The following OSBPL1A variants were observed in gnomAD, a reference collection of about 807,000 sequenced individuals.
OSBPL1A encodes the protein oxysterol-binding protein-related protein 1.
In OSBPL1A, 80 loss-of-function variants were observed where a neutral mutation model predicts 137.1. That is an observed-to-expected ratio of 0.58 (90% CI 0.49 to 0.70). OSBPL1A has a LOEUF of 0.70. OSBPL1A is among the 30% of genes least tolerant of loss of function. OSBPL1A has a pLI of 0.00. For synonymous variants in OSBPL1A, 365 were observed against 389.7 expected (o/e 0.94, Z 0.75); for missense variants, 970 against 1,129.4 (o/e 0.86, Z 2.02).
chr18:24,296,132 A>G (rs899521184), intron 14 of OSBPL1A, among the ~76,000 whole-genome samples: 2 of 152,204 alleles, frequency 1.3e-5, no homozygotes, highest in African/African-American at 4.8e-5. Flanking sequence ...CTTCCCATCC[A>G]TGAGCATGAG....
At position 24,292,843 on chromosome 18, in the gene OSBPL1A, C is replaced by T. The variant is rs147523171; in HGVS notation, c.1174+10794G>A. 3.6e-3 allele frequency among the ~76,000 whole-genome samples: 542 copies of T among 152,184 alleles called. 4 individuals are homozygous for T. The highest frequency in any genetic ancestry group is 0.033 in the East Asian group (169 of 5,168). On this transcript the variant is annotated intron_variant, in intron 14 of 27. Coordinates refer to ENST00000319481, the MANE Select transcript of OSBPL1A (RefSeq NM_080597.4). Reference sequence around the variant, plus strand: ...ACTGAGGTCTGGGCACAGTGGCTCACGCCTGTAATCCCAGCACTTTGGGAG... The same window carrying T: ...ACTGAGGTCTGGGCACAGTGGCTCATGCCTGTAATCCCAGCACTTTGGGAG...
At chr18:24,180,994 A>T in intron 19 of OSBPL1A, 151 bp downstream of exon 19, 1 of 910,216 alleles carries the variant, frequency 1.1e-6, no homozygotes, top group Non-Finnish European at 1.6e-6. Context: ...CACCCTAACC[A>T]GAGGACAGTC....
chr18:24,388,660 C>A (rs902824861), intron 1 of OSBPL1A, among the ~76,000 whole-genome samples: 15 of 151,748 alleles, frequency 9.9e-5, no homozygotes, highest in African/African-American at 3.1e-4. Flanking sequence ...ATTAGCCAGG[C>A]GTGGTGATGG....
chr18:24,275,597 C>T (rs559936617), intron 15 of OSBPL1A, among the ~76,000 whole-genome samples: 1 of 152,332 alleles, frequency 6.6e-6, no homozygotes, highest in South Asian at 2.1e-4. Flanking sequence ...TGTAAGTCCA[C>T]ATGAACACAT....
At chr18:24,165,215 T>C (rs2086119914) in intron 26 of OSBPL1A, 60 bp from the exon 27 acceptor site, 2 of 1,436,614 alleles carry the variant, frequency 1.4e-6, no homozygotes, top group South Asian at 2.3e-5. Flanking sequence ...CCAGGCACAG[T>C]ATTAAGCACA....
chr18:24,339,306 ATGGTCTACTTATAG>A (rs1286442565), intron 5 of OSBPL1A, among the ~76,000 whole-genome samples: 2 of 152,154 alleles, frequency 1.3e-5, no homozygotes, highest in Admixed American at 6.5e-5. Context: ...TTATGGTCTT[ATGGTCTACTTATAG>A]TGGGTTACTC....
chr18:24,272,858 G>A (rs1321121479), intron 15 of OSBPL1A, among the ~76,000 whole-genome samples: 1 of 152,172 alleles, frequency 6.6e-6, no homozygotes, highest in African/African-American at 2.4e-5. Flanking sequence ...GAATGTCAGT[G>A]AGGTTTCATG....
chr18:24,193,304 T>C (rs963523913), intron 18 of OSBPL1A, among the ~76,000 whole-genome samples: 2 of 152,054 alleles, frequency 1.3e-5, no homozygotes, highest in South Asian at 2.1e-4. Context: ...CTGGCCAACA[T>C]GGTGAAACCC....
intron 16 of OSBPL1A, among the ~76,000 whole-genome samples, chr18:24,232,142 T>G (rs1289823208): frequency 6.6e-6 from 1 of 152,224 alleles, no homozygotes; most frequent in Non-Finnish European, 1.5e-5. Flanking sequence ...TGCCAAATTT[T>G]TATTTAGCCT....
In OSBPL1A at chr18:24,334,322, T is replaced by A. The variant is rs1160858204; in HGVS notation, c.403A>T (p.Arg135Trp). The stretch of plus-strand genomic sequence containing the variant: ...TCTTCAAGCTTTCTTTGTTGAGTCC[T>A]TTCTACAGCTGCAAAAGAAAAGTAC... ...EIRSMLEAVE[R>W]TQQRKLEELL... Residue 135 changes from arginine to tryptophan, a missense_variant, in exon 6 of 28, where the codon AGG becomes TGG. By Grantham distance (101) the Arg-to-Trp change is moderately radical. Around this residue, in one of 2 missense-constraint regions of OSBPL1A, gnomAD observed 647 missense variants for 672.6 expected, o/e 0.96. Coordinates refer to ENST00000319481, the MANE Select transcript of OSBPL1A (RefSeq NM_080597.4). 1 of 1,608,314 alleles carries A rather than the reference T, an allele frequency of 6.2e-7. No individual in the cohort carries two copies. The highest frequency in any genetic ancestry group is 1.1e-5 in the South Asian group (1 of 89,682).
intron 4 of OSBPL1A, among the ~76,000 whole-genome samples, chr18:24,349,843 C>T (rs938625911): frequency 2.0e-5 from 3 of 152,124 alleles, no homozygotes; most frequent in Non-Finnish European, 2.9e-5. Context: ...TCAGTCTTCA[C>T]GGTCCCTGAG....
At chr18:24,332,237 G>A (rs1415743186) in intron 7 of OSBPL1A, among the ~76,000 whole-genome samples, 3 of 151,570 alleles carry the variant, frequency 2.0e-5, no homozygotes, top group African/African-American at 7.3e-5. Flanking sequence ...AATCAGCCAG[G>A]CATGGTACAC....
intron 13 of OSBPL1A, 108 bp downstream of exon 13, chr18:24,311,873 ATTG>A (rs1483628451): frequency 2.4e-6 from 3 of 1,238,790 alleles, no homozygotes; most frequent in South Asian, 1.3e-5. Flanking sequence ...TACTATTTCT[ATTG>A]TTGTCAGAAA....
chr18:24,241,426 T>C (rs1025952634), intron 15 of OSBPL1A, among the ~76,000 whole-genome samples: 1 of 151,826 alleles, frequency 6.6e-6, no homozygotes, highest in African/African-American at 2.4e-5. Context: ...TAAACAAATT[T>C]ACAAGAAAAA....
intron 14 of OSBPL1A, among the ~76,000 whole-genome samples, chr18:24,291,511 C>T (rs553252437): frequency 5.3e-5 from 8 of 152,026 alleles, no homozygotes; most frequent in Admixed American, 2.0e-4. Context: ...GAGGATAGAA[C>T]GAGAAGGCTC....
At chr18:24,370,162 A>T (rs557843960) in intron 2 of OSBPL1A, among the ~76,000 whole-genome samples, 1 of 152,326 alleles carries the variant, frequency 6.6e-6, no homozygotes, top group African/African-American at 2.4e-5. Flanking sequence ...TCAAGGCTTC[A>T]ATGATCTGTG....
At chr18:24,176,923 C>T (rs1246236069) in intron 21 of OSBPL1A, among the ~76,000 whole-genome samples, 1 of 152,212 alleles carries the variant, frequency 6.6e-6, no homozygotes, top group African/African-American at 2.4e-5. Flanking sequence ...GTTTCCCCAA[C>T]ACTCTTAGAC....
At chr18:24,254,010 A>G (rs1271142754) in intron 15 of OSBPL1A, among the ~76,000 whole-genome samples, 1 of 152,226 alleles carries the variant, frequency 6.6e-6, no homozygotes. Context: ...TCAAGCCATG[A>G]GCTGAATTCC....
Position 24,167,406 on chromosome 18 carries a change from C to A in OSBPL1A, c.2458G>T (p.Asp820Tyr), listed in dbSNP as rs769991025. 2 of 1,614,214 alleles carry A rather than the reference C, an allele frequency of 1.2e-6. No individual in the cohort carries two copies. The highest frequency in any genetic ancestry group is 1.7e-6 in the Non-Finnish European group (2 of 1,180,046). The change falls in exon 25 of 28, where the codon GAT becomes TAT. Residue 820 changes from aspartate (D) to tyrosine (Y), a missense_variant. Around this residue, in one of 2 missense-constraint regions of OSBPL1A, gnomAD observed 323 missense variants for 456.8 expected, o/e 0.71. Coordinates refer to ENST00000319481, the MANE Select transcript of OSBPL1A (RefSeq NM_080597.4). The stretch of plus-strand genomic sequence containing the variant: ...GGGATAATGAATACACTTTCAGAAT[C>A]CGGCACTGGCATTTCATCCAACTCC... ...SEELDEMPVP[D>Y]SESVFIIPGS...
Sources: gnomAD v4.1 joint callset for allele counts (sites outside exome capture counted in the v4.1 genomes callset) on GRCh38, gnomAD v4.1.1 for gene constraint, gnomAD v4.1.1 regional missense constraint, MANE v1.5 for transcripts, NCBI Gene and HGNC (gene_info 2026-07-23, HGNC 2026-07-21) for gene names.